The following LPCAT3 variants were observed in gnomAD, a reference collection of about 807,000 sequenced individuals.
LPCAT3 encodes the protein lysophospholipid acyltransferase 5.
In LPCAT3, 21 loss-of-function variants were observed where a neutral mutation model predicts 63.4. The observed-to-expected ratio is 0.33, with a 90% CI of 0.23 to 0.48. The LOEUF is 0.48. LPCAT3 is among the 20% of genes least tolerant of loss of function. The probability of loss-of-function intolerance (pLI) is 0.99; values close to 1 mark genes in which losing one functional copy is unlikely to be tolerated. For missense variants in LPCAT3, 451 were observed against 590.6 expected (o/e 0.76, Z 2.45); for synonymous variants, 242 against 227.5 (o/e 1.06, Z -0.58).
chr12:7,002,987 C>T (rs1351831429), intron 1 of LPCAT3, among the ~76,000 whole-genome samples: 2 of 151,572 alleles, frequency 1.3e-5, no homozygotes, highest in African/African-American at 4.9e-5. Flanking sequence ...CCAGCCTGGG[C>T]GAAAGAGTGA....
chr12:7,017,266 T>G lies in LPCAT3; in HGVS notation c.151+1008A>C, dbSNP rs1204778822. Among the ~76,000 whole-genome samples, 1 of 152,186 alleles carries G rather than the reference T, an allele frequency of 6.6e-6. No individual in the cohort carries two copies. Among genetic ancestry groups the G allele is most frequent in the Non-Finnish European group, 1.5e-5 (1 of 68,022 alleles). ...ACCTTCATAAAACGTTCCAACTGCT[T>G]AAATTTTATGTATATATATGTACAG... On this transcript the variant is annotated intron_variant, in intron 1 of 12. Transcript: ENST00000261407. This position sits in a 1 kb window ranked among gnomAD's most constrained non-coding sequence, Gnocchi z 4.1.
chr12:7,005,083 T>C (rs188424155), intron 1 of LPCAT3, among the ~76,000 whole-genome samples: 4 of 152,360 alleles, frequency 2.6e-5, no homozygotes, highest in Non-Finnish European at 5.9e-5. Context: ...TACCGCATAG[T>C]GGCCATTCCC....
chr12:6,997,378 TA>T (rs1946645961), intron 1 of LPCAT3: 1 of 123,734 alleles, frequency 8.1e-6, no homozygotes. Context: ...AACAGCAAAT[TA>T]TGTGTGTGTG....
At chr12:6,989,648 C>T (rs782115722) in intron 1 of LPCAT3, among the ~76,000 whole-genome samples, 28 of 152,222 alleles carry the variant, frequency 1.8e-4, no homozygotes, top group African/African-American at 6.7e-4. Flanking sequence ...TTTGTACAAG[C>T]CCTCTTCAGG....
chr12:7,000,431 C>CA (rs1194450626), intron 1 of LPCAT3, among the ~76,000 whole-genome samples: 253 of 145,144 alleles, frequency 1.7e-3, no homozygotes, highest in South Asian at 5.7e-3. Flanking sequence ...ACTAAAAATA[C>CA]AAAAAAAAAG....
At chr12:6,990,530 T>TA (rs782760407) in intron 1 of LPCAT3, among the ~76,000 whole-genome samples, 5 of 114,952 alleles carry the variant, frequency 4.3e-5, no homozygotes, top group East Asian at 2.1e-4. Flanking sequence ...TAAAATAAAA[T>TA]AAATAAATAA....
chr12:6,983,047 T>C (rs1946487074), intron 2 of LPCAT3: 1 of 571,170 alleles, frequency 1.8e-6, no homozygotes, highest in South Asian at 1.6e-5. Flanking sequence ...AGTAGCTCAA[T>C]CATAGCTCAC....
chr12:6,988,003 C>T (rs979775617), intron 1 of LPCAT3, among the ~76,000 whole-genome samples: 40 of 152,076 alleles, frequency 2.6e-4, no homozygotes, highest in African/African-American at 9.2e-4. Flanking sequence ...TCTCCCTACT[C>T]CTAATTTACG....
chr12:7,003,112 A>G (rs890663686), intron 1 of LPCAT3, among the ~76,000 whole-genome samples: 20 of 152,198 alleles, frequency 1.3e-4, no homozygotes, highest in African/African-American at 4.1e-4. Context: ...AGAAATCAGT[A>G]AAAATGGGCA....
Position 7,018,373 on chromosome 12 carries a change from C to T in LPCAT3, c.52G>A (p.Val18Ile), listed in dbSNP as rs782445575. Reference protein sequence around the residue: ...DEGTVVALAGVLQSGFQELSL... With the variant: ...DEGTVVALAGILQSGFQELSL... ...AGCTCCTGGAAACCCGACTGCAGAA[C>T]CCCCGCCAGCGCCACCACAGTCCCC... is the stretch of plus-strand genomic sequence containing the variant. The change falls in exon 1 of 13, where the codon GTT becomes ATT. Residue 18 changes from valine (V) to isoleucine (I), a missense_variant. Transcript: ENST00000261407. This position sits in a 1 kb window ranked among gnomAD's most constrained non-coding sequence, Gnocchi z 4.9. The T allele has an allele frequency of 2.5e-6, 4 of 1,612,358 alleles. No homozygotes were observed. Among genetic ancestry groups the T allele is most frequent in the Non-Finnish European group, 3.4e-6 (4 of 1,179,230 alleles).
chr12:6,982,755 C>T lies in LPCAT3; in HGVS notation c.287G>A (p.Cys96Tyr). 6.2e-7 allele frequency: 1 copy of T among 1,613,882 alleles called. No homozygotes were observed. The highest frequency in any genetic ancestry group is 8.5e-7 in the Non-Finnish European group (1 of 1,179,806). The change falls in exon 3 of 13, where the codon TGT (cysteine) becomes TAT (tyrosine). Residue 96 changes from cysteine to tyrosine, a missense_variant. By Grantham distance (194) the Cys-to-Tyr change is radical. This residue lies in a region of LPCAT3 where 133 missense variants were observed against 152.1 expected (regional missense o/e 0.87). Coordinates refer to ENST00000261407, the MANE Select transcript of LPCAT3 (RefSeq NM_005768.6). ...AAGGATGAGGAACTGAAGCACAATA[C>T]ACAGCAGGGAGTGGTAGAGCTGGTT... The part of the protein sequence containing the change: ...FGNQLYHSLL[C>Y]IVLQFLILRL...
intron 1 of LPCAT3, among the ~76,000 whole-genome samples, chr12:6,986,768 G>T (rs1175955671): frequency 3.0e-5 from 4 of 134,230 alleles, no homozygotes; most frequent in Non-Finnish European, 6.1e-5. Context: ...CTGCACTCCA[G>T]CCTGGTGACA....
chr12:6,979,474 A>G lies in LPCAT3; in HGVS notation c.783T>C (p.Tyr261=). 1.9e-6 allele frequency: 3 copies of G among 1,608,582 alleles called. No homozygotes were observed. The highest frequency in any genetic ancestry group is 2.6e-6 in the Non-Finnish European group (3 of 1,174,956). The change falls in exon 7 of 13, where the codon TAT becomes TAC. Residue 261 remains tyrosine (Y), a synonymous_variant. Coordinates refer to ENST00000261407, the MANE Select transcript of LPCAT3 (RefSeq NM_005768.6). ...TGCTGCTTTAGTAGACACTCACGTC[A>G]TAGTCTTCAGTGAGGAGATAGTCTT... The part of the protein sequence containing the change: ...ITEDYLLTED[Y]DNHPFWFRCM...
Position 6,978,668 on chromosome 12 carries a change from A to C in LPCAT3, c.808T>G (p.Cys270Gly). The change falls in exon 8 of 13, where the codon TGC becomes GGC. Residue 270 changes from cysteine to glycine, a missense_variant. Around this residue, in one of 3 missense-constraint regions of LPCAT3, gnomAD observed 304 missense variants for 390.8 expected, o/e 0.78. Coordinates refer to ENST00000261407, the MANE Select transcript of LPCAT3 (RefSeq NM_005768.6). The stretch of plus-strand genomic sequence containing the variant: ...TTGCCCCAGATCAGCATGTACATGC[A>C]GCGGAACCAGAAGGGGTGGTTCTTG... Reference protein sequence around the residue: ...DYDNHPFWFRCMYMLIWGKFV... With the variant: ...DYDNHPFWFRGMYMLIWGKFV... 6.2e-7 allele frequency: 1 copy of C among 1,614,200 alleles called. No homozygotes were observed. Among genetic ancestry groups the C allele is most frequent in the Non-Finnish European group, 8.5e-7 (1 of 1,180,012 alleles).
At chr12:6,992,790 A>C (rs1347801109) in intron 1 of LPCAT3, among the ~76,000 whole-genome samples, 5 of 152,132 alleles carry the variant, frequency 3.3e-5, no homozygotes, top group Non-Finnish European at 5.9e-5. Flanking sequence ...CTTGGTGTCC[A>C]TGAAGGATTG....
In LPCAT3 at chr12:6,981,634, T is replaced by C; in HGVS notation, c.461-2A>G. 2 of 1,611,842 alleles carry C rather than the reference T, an allele frequency of 1.2e-6. No individual in the cohort carries two copies. Among genetic ancestry groups the C allele is most frequent in the Non-Finnish European group, 1.7e-6 (2 of 1,179,780 alleles). On this transcript the variant is annotated splice_acceptor_variant, in intron 4 of 12. Coordinates refer to ENST00000261407, the MANE Select transcript of LPCAT3 (RefSeq NM_005768.6). LOFTEE classifies it high-confidence loss of function. ...CGTCAAAGTAGTCAACAGCCAAACC[T>C]GAGCAGAGAGAGAACGGATGGGTAG...
At chr12:7,008,555 A>G (rs1391992387) in intron 1 of LPCAT3, among the ~76,000 whole-genome samples, 2 of 152,178 alleles carry the variant, frequency 1.3e-5, no homozygotes, top group Admixed American at 1.3e-4. Flanking sequence ...TTGATGCAAC[A>G]CAAAAAAGAT....
In LPCAT3 at chr12:7,014,571, G is replaced by T. The variant is rs910258003; in HGVS notation, c.151+3703C>A. Among the ~76,000 whole-genome samples the T allele has an allele frequency of 3.6e-4, 54 of 152,050 alleles. 1 individual carries two copies. The highest frequency in any genetic ancestry group is 6.0e-4 in the Non-Finnish European group (41 of 68,026). ...GTCCACATAAGCTTACTTTTTCTTT[G>T]AAGTATTGAATATTAAAAATTGCAG... is the stretch of plus-strand genomic sequence containing the variant. On this transcript the variant is annotated intron_variant, in intron 1 of 12. Coordinates refer to ENST00000261407, the MANE Select transcript of LPCAT3 (RefSeq NM_005768.6).
At chr12:7,010,949 C>T (rs1240736335) in intron 1 of LPCAT3, among the ~76,000 whole-genome samples, 1 of 152,182 alleles carries the variant, frequency 6.6e-6, no homozygotes, top group Non-Finnish European at 1.5e-5. Context: ...ATGATCCTCC[C>T]ACCTTGGTCT....
Sources: gnomAD v4.1 joint callset for allele counts (sites outside exome capture counted in the v4.1 genomes callset) on GRCh38, gnomAD v4.1.1 for gene constraint, gnomAD v4.1.1 regional missense constraint, Gnocchi (gnomAD v3.1) non-coding constraint, MANE v1.5 for transcripts, NCBI Gene and HGNC (gene_info 2026-07-23, HGNC 2026-07-21) for gene names.